The following NIBAN2 variants were observed in gnomAD, a reference collection of about 807,000 sequenced individuals.
NIBAN2 encodes protein Niban 2.
Under a neutral mutation model 81.8 loss-of-function variants are expected in NIBAN2, and 36 were observed. That is an observed-to-expected ratio of 0.44 (90% CI 0.34 to 0.58). The LOEUF (loss-of-function observed/expected upper bound fraction) is 0.58, where lower values mean the gene tolerates loss of function less well. Among genes scored for constraint, NIBAN2 ranks in the 20% least tolerant of loss-of-function variants. The probability of loss-of-function intolerance (pLI) is 0.02; values close to 1 mark genes in which losing one functional copy is unlikely to be tolerated. For synonymous variants in NIBAN2, 445 were observed against 441.6 expected (o/e 1.01, Z -0.10); for missense variants, 897 against 1,014.1 (o/e 0.88, Z 1.57).
chr9:127,576,446 C>A (rs773701663), intron 1 of NIBAN2, among the ~76,000 whole-genome samples: 4 of 152,078 alleles, frequency 2.6e-5, no homozygotes, highest in Non-Finnish European at 5.9e-5. Flanking sequence ...AGCAGACAGG[C>A]AGGGAGTGAG....
chr9:127,527,951 C>T (rs1159894952), intron 2 of NIBAN2, among the ~76,000 whole-genome samples: 2 of 152,334 alleles, frequency 1.3e-5, no homozygotes, highest in East Asian at 1.9e-4. Context: ...GTCTGACCCG[C>T]GTCCTGGCAG....
upstream of NIBAN2, among the ~76,000 whole-genome samples, chr9:127,573,703 G>C (rs1373700478): frequency 6.6e-6 from 1 of 152,122 alleles, no homozygotes; most frequent in African/African-American, 2.4e-5. Context: ...GCCCAGGCTA[G>C]AGTGCAGTGG....
intron 2 of NIBAN2, among the ~76,000 whole-genome samples, chr9:127,529,376 C>T (rs554857697): frequency 1.3e-5 from 2 of 152,362 alleles, no homozygotes; most frequent in East Asian, 3.9e-4. Context: ...CTGTGGCTCA[C>T]GCCCGTAATC....
At chr9:127,557,450 A>G (rs749191858) in intron 1 of NIBAN2, among the ~76,000 whole-genome samples, 1 of 141,572 alleles carries the variant, frequency 7.1e-6, no homozygotes, top group Non-Finnish European at 1.6e-5. Flanking sequence ...GACTCCCAGA[A>G]GCCACACAGG....
intron 1 of NIBAN2, among the ~76,000 whole-genome samples, chr9:127,576,127 G>A (rs1838006275): frequency 6.6e-6 from 1 of 152,216 alleles, no homozygotes; most frequent in East Asian, 1.9e-4. Context: ...ATGGGAGCTT[G>A]AGGGAGCACG....
rs914164016 is a variant in NIBAN2, at chr9:127,508,945, T to C, written c.1317+31A>G. On this transcript the variant is annotated intron_variant, in intron 10 of 13. Coordinates refer to ENST00000373312, the MANE Select transcript of NIBAN2 (RefSeq NM_022833.4). The surrounding 1 kb of genome is among the most constrained non-coding windows in gnomAD (Gnocchi z 6.4). Reference sequence around the variant, plus strand: ...GGCCTGTGGAAGGCAGTGGACAGGGTGTGGGGTGGGGGTCGTAGCCTCGGG... The same window carrying C: ...GGCCTGTGGAAGGCAGTGGACAGGGCGTGGGGTGGGGGTCGTAGCCTCGGG... 1.2e-6 allele frequency: 2 copies of C among 1,611,388 alleles called. No homozygotes were observed. The highest frequency in any genetic ancestry group is 1.7e-6 in the Non-Finnish European group (2 of 1,179,078).
rs1837459562 is a variant in NIBAN2, at chr9:127,545,738, C to T, written c.56-13960G>A. Reference sequence around the variant, plus strand: ...TGAGGCGGGAGCCCAGAGAAATGCACCCAAAAAAACGGGTGACCCAAAACC... The same window carrying T: ...TGAGGCGGGAGCCCAGAGAAATGCATCCAAAAAAACGGGTGACCCAAAACC... On this transcript the variant is annotated intron_variant, in intron 1 of 13. Transcript: ENST00000373312. The surrounding 1 kb of genome is among the most constrained non-coding windows in gnomAD (Gnocchi z 4.7). Among the ~76,000 whole-genome samples, 1 of 152,170 alleles carries T rather than the reference C, an allele frequency of 6.6e-6. No individual in the cohort carries two copies. The highest frequency in any genetic ancestry group is 2.4e-5 in the African/African-American group (1 of 41,434).
chr9:127,558,742 A>G (rs1303932831), intron 1 of NIBAN2, among the ~76,000 whole-genome samples: 1 of 152,206 alleles, frequency 6.6e-6, no homozygotes, highest in Non-Finnish European at 1.5e-5. Flanking sequence ...AAAGCAAAAC[A>G]GAAGTGCAAT....
intron 2 of NIBAN2, among the ~76,000 whole-genome samples, chr9:127,527,718 C>T (rs1339127405): frequency 1.3e-5 from 2 of 152,186 alleles, no homozygotes; most frequent in South Asian, 2.1e-4. Context: ...ACTGGTGCCC[C>T]GAGGTCGCTC....
chr9:127,519,068 G>C (rs1836885483), intron 5 of NIBAN2, among the ~76,000 whole-genome samples: 1 of 151,394 alleles, frequency 6.6e-6, no homozygotes, highest in African/African-American at 2.4e-5. Context: ...CCAGCTACTA[G>C]GGAGACTGAG....
intron 1 of NIBAN2, among the ~76,000 whole-genome samples, chr9:127,568,044 C>A (rs939461389): frequency 6.6e-6 from 1 of 152,202 alleles, no homozygotes; most frequent in Non-Finnish European, 1.5e-5. Flanking sequence ...ACCCAGGCCC[C>A]CTCTGCAGCT....
At chr9:127,565,300 G>C (rs1402802511) in intron 1 of NIBAN2, among the ~76,000 whole-genome samples, 1 of 152,094 alleles carries the variant, frequency 6.6e-6, no homozygotes, top group African/African-American at 2.4e-5. Context: ...AAAATGTTCA[G>C]TGGTTGCCTA....
At chr9:127,541,940 C>A (rs1174869697) in intron 1 of NIBAN2, among the ~76,000 whole-genome samples, 1 of 152,122 alleles carries the variant, frequency 6.6e-6, no homozygotes, top group Non-Finnish European at 1.5e-5. Context: ...GGCAGGCTCC[C>A]CAGCACCCAG....
chr9:127,577,958 A>C (rs1195506209), intron 1 of NIBAN2, among the ~76,000 whole-genome samples: 1 of 152,116 alleles, frequency 6.6e-6, no homozygotes, highest in Non-Finnish European at 1.5e-5. Context: ...TGGGAGGCTG[A>C]GGCAGGTGGC....
chr9:127,531,504 A>AT, intron 2 of NIBAN2, 144 bp downstream of exon 2: 2 of 651,346 alleles, frequency 3.1e-6, no homozygotes, highest in South Asian at 3.4e-5. Context: ...AAAATAATTA[A>AT]TTTTAAAAAA....
chr9:127,548,199 G>T (rs574188564), intron 1 of NIBAN2, among the ~76,000 whole-genome samples: 2 of 152,306 alleles, frequency 1.3e-5, no homozygotes, highest in Admixed American at 1.3e-4. Flanking sequence ...AATCTTTCTG[G>T]ACCCTCATCT....
intron 2 of NIBAN2, among the ~76,000 whole-genome samples, chr9:127,527,704 C>T (rs962396868): frequency 1.4e-4 from 22 of 152,334 alleles, no homozygotes; most frequent in African/African-American, 5.1e-4. Flanking sequence ...CCTACAGCTA[C>T]AGCACTGGTG....
intron 5 of NIBAN2, among the ~76,000 whole-genome samples, chr9:127,520,849 A>C (rs1588158707): frequency 6.6e-6 from 1 of 152,080 alleles, no homozygotes; most frequent in Non-Finnish European, 1.5e-5. Context: ...GCGCCACTGC[A>C]CTCCAGCCTG....
intron 9 of NIBAN2, among the ~76,000 whole-genome samples, chr9:127,509,601 G>A (rs905819443): frequency 6.6e-6 from 1 of 152,136 alleles, no homozygotes; most frequent in Non-Finnish European, 1.5e-5. Flanking sequence ...TGACAACTAT[G>A]CGGGCTCCGG....
Sources: allele counts gnomAD v4.1 joint callset (sites outside exome capture counted in the v4.1 genomes callset), GRCh38; gene constraint gnomAD v4.1.1; non-coding constraint Gnocchi (gnomAD v3.1); transcripts MANE v1.5; gene names NCBI Gene and HGNC (gene_info 2026-07-23, HGNC 2026-07-21).